The following TTC28 variants were observed in gnomAD, a reference collection of about 807,000 sequenced individuals.
TTC28 encodes the protein tetratricopeptide repeat protein 28.
Under a neutral mutation model 198.0 loss-of-function variants are expected in TTC28, and 61 were observed. That is an observed-to-expected ratio of 0.31 (90% CI 0.25 to 0.38). The LOEUF (loss-of-function observed/expected upper bound fraction) is 0.38, where lower values mean the gene tolerates loss of function less well. TTC28 is among the 10% of genes least tolerant of loss of function. TTC28 has a pLI of 1.00. For missense variants in TTC28, 2,678 were observed against 3,164.0 expected (o/e 0.85, Z 3.69); for synonymous variants, 1,171 against 1,297.8 (o/e 0.90, Z 2.10).
intron 12 of TTC28, among the ~76,000 whole-genome samples, chr22:28,072,992 G>C (rs1941049023): frequency 6.6e-6 from 1 of 152,168 alleles, no homozygotes; most frequent in Admixed American, 6.5e-5. Context: ...GGAGAAGATA[G>C]AAGGCAGGTG....
At chr22:28,454,079 C>T (rs967062508) in intron 2 of TTC28, among the ~76,000 whole-genome samples, 1 of 152,152 alleles carries the variant, frequency 6.6e-6, no homozygotes, top group African/African-American at 2.4e-5. Flanking sequence ...TTTCCTTTTC[C>T]ACATTCAAGT....
rs1244869491 is a variant in TTC28 at position 28,334,622 on chromosome 22, A to ATG, written c.382-27981_382-27980dup. On this transcript the variant is annotated intron_variant, in intron 2 of 22. Coordinates refer to ENST00000397906, the MANE Select transcript of TTC28 (RefSeq NM_001145418.2). ...GGCCAGTGATGGTGAGCATTTTTTC[A>ATG]TGTGTCTTTTGGCTGCATAAATGTC... 2.0e-5 allele frequency among the ~76,000 whole-genome samples: 3 copies of ATG among 152,116 alleles called. No individual in the cohort carries two copies. The East Asian group carries it at 5.8e-4, about 29-fold the overall frequency.
chr22:28,179,967 G>A (rs1047775492), intron 5 of TTC28, among the ~76,000 whole-genome samples: 4 of 152,168 alleles, frequency 2.6e-5, no homozygotes, highest in Non-Finnish European at 4.4e-5. Context: ...TAAGAATACC[G>A]TTCTAAAATC....
intron 13 of TTC28, among the ~76,000 whole-genome samples, chr22:28,027,907 G>A (rs1321999321): frequency 6.6e-6 from 1 of 152,236 alleles, no homozygotes; most frequent in Admixed American, 6.5e-5. Flanking sequence ...TAAGACATGA[G>A]GCTGCACTGA....
intron 2 of TTC28, among the ~76,000 whole-genome samples, chr22:28,445,465 T>C (rs1257788946): frequency 6.6e-6 from 1 of 152,188 alleles, no homozygotes; most frequent in Non-Finnish European, 1.5e-5. Flanking sequence ...AAACTTGAAG[T>C]AAAAATTCAG....
chr22:28,325,901 T>C (rs78717480), intron 2 of TTC28, among the ~76,000 whole-genome samples: 2 of 152,148 alleles, frequency 1.3e-5, no homozygotes, highest in African/African-American at 4.8e-5. Context: ...GCTGGTAGAA[T>C]ACAAATTCTA....
intron 2 of TTC28, among the ~76,000 whole-genome samples, chr22:28,565,249 A>T (rs2049951587): frequency 6.6e-6 from 1 of 152,152 alleles, no homozygotes; most frequent in Admixed American, 6.5e-5. Context: ...ATTAAGAAAA[A>T]TTTTAATCTA....
At chr22:28,292,251 G>A (rs970661092) in intron 5 of TTC28, among the ~76,000 whole-genome samples, 1 of 152,080 alleles carries the variant, frequency 6.6e-6, no homozygotes, top group Non-Finnish European at 1.5e-5. Flanking sequence ...ACAATGGTGT[G>A]AACTTGGCCC....
At chr22:28,422,839 CT>C (rs1262349557) in intron 2 of TTC28, among the ~76,000 whole-genome samples, 1 of 152,042 alleles carries the variant, frequency 6.6e-6, no homozygotes, top group African/African-American at 2.4e-5. Flanking sequence ...AAAAGCCTAA[CT>C]TTTATTTTAA....
chr22:28,166,350 C>A (rs1394730560), intron 5 of TTC28, among the ~76,000 whole-genome samples: 3 of 152,176 alleles, frequency 2.0e-5, no homozygotes, highest in East Asian at 1.9e-4. Flanking sequence ...GAACTCTCCA[C>A]CCCAAATCAA....
intron 2 of TTC28, among the ~76,000 whole-genome samples, chr22:28,403,235 T>C (rs948137806): frequency 3.3e-5 from 5 of 152,076 alleles, no homozygotes; most frequent in African/African-American, 1.2e-4. Context: ...TAACCAGCGC[T>C]AGAGACCCAA....
At chr22:28,238,000 T>C (rs1929373369) in intron 5 of TTC28, among the ~76,000 whole-genome samples, 2 of 152,214 alleles carry the variant, frequency 1.3e-5, no homozygotes, top group African/African-American at 4.8e-5. Context: ...CTTTATGTAA[T>C]GTAGTTTCTC....
chr22:27,992,692 T>C, intron 18 of TTC28, 29 bp from the exon 19 acceptor site: 1 of 1,548,438 alleles, frequency 6.5e-7, no homozygotes, highest in Non-Finnish European at 8.7e-7. Context: ...GTAGAAGTTA[T>C]TCAGAAGGGC....
At chr22:28,383,037 C>G (rs776280860) in intron 2 of TTC28, among the ~76,000 whole-genome samples, 50 of 152,152 alleles carry the variant, frequency 3.3e-4, no homozygotes, top group Non-Finnish European at 6.9e-4. Context: ...AGATTGTCCT[C>G]TTTTGACCTC....
intron 2 of TTC28, among the ~76,000 whole-genome samples, chr22:28,469,548 T>TA (rs1463219129): frequency 6.6e-6 from 1 of 152,090 alleles, no homozygotes; most frequent in East Asian, 1.9e-4. Context: ...AGTGACCTTA[T>TA]AAGAGGGAGG....
intron 5 of TTC28, among the ~76,000 whole-genome samples, chr22:28,214,171 A>G (rs568174140): frequency 1.9e-4 from 29 of 152,316 alleles, no homozygotes; most frequent in African/African-American, 5.5e-4. Flanking sequence ...CTAAAACCAT[A>G]AAAACCCTAG....
At chr22:28,271,046 C>T (rs139189840) in intron 5 of TTC28, among the ~76,000 whole-genome samples, 90 of 151,832 alleles carry the variant, frequency 5.9e-4, no homozygotes, top group Non-Finnish European at 3.1e-4. Context: ...GATAAGATTA[C>T]GACTATCCAA....
At chr22:28,645,478 T>G (rs1209855528) in intron 1 of TTC28, among the ~76,000 whole-genome samples, 2 of 151,492 alleles carry the variant, frequency 1.3e-5, no homozygotes, top group African/African-American at 2.4e-5. Flanking sequence ...AATACAAAAT[T>G]TAGCCGGGCG....
At chr22:28,282,928 G>T (rs2044612277) in intron 5 of TTC28, among the ~76,000 whole-genome samples, 1 of 152,064 alleles carries the variant, frequency 6.6e-6, no homozygotes, top group South Asian at 2.1e-4. Flanking sequence ...TATTCCCTGG[G>T]TGTACAATTT....
Sources: allele counts gnomAD v4.1 joint callset (sites outside exome capture counted in the v4.1 genomes callset), GRCh38; gene constraint gnomAD v4.1.1; transcripts MANE v1.5; gene names NCBI Gene and HGNC (gene_info 2026-07-23, HGNC 2026-07-21).